Variants in CNTN5 observed in about 807,000 individuals in gnomAD.
CNTN5 encodes the protein contactin-5.
CNTN5 carries 77 observed loss-of-function variants against 129.1 expected under a neutral mutation model. The ratio of observed to expected loss-of-function variants is 0.60; its 90% CI spans 0.50 to 0.72. The LOEUF is 0.72. CNTN5 is among the 30% of genes least tolerant of loss of function. The pLI is 0.00. For synonymous variants in CNTN5, 509 were observed against 465.6 expected (o/e 1.09, Z -1.20); for missense variants, 1,478 against 1,328.8 (o/e 1.11, Z -1.75).
At chr11:99,266,824 A>G (rs1862923333) in intron 1 of CNTN5, among the ~76,000 whole-genome samples, 1 of 152,044 alleles carries the variant, frequency 6.6e-6, no homozygotes, top group Admixed American at 6.6e-5. Flanking sequence ...GCCAGAAAGG[A>G]TGATGGGAGA....
intron 3 of CNTN5, among the ~76,000 whole-genome samples, chr11:99,658,751 G>A (rs561664200): frequency 4.1e-5 from 6 of 145,602 alleles, no homozygotes; most frequent in Admixed American, 6.8e-5. Flanking sequence ...AGCCAGGCGC[G>A]GTGGCACATG....
intron 2 of CNTN5, among the ~76,000 whole-genome samples, chr11:99,380,315 T>A (rs1381772580): frequency 6.6e-6 from 1 of 152,162 alleles, no homozygotes; most frequent in East Asian, 1.9e-4. Context: ...TATTTACAGT[T>A]TTATTTAACT....
At chr11:99,788,222 CT>C (rs2135421740) in intron 3 of CNTN5, among the ~76,000 whole-genome samples, 1 of 152,070 alleles carries the variant, frequency 6.6e-6, no homozygotes, top group East Asian at 1.9e-4. Flanking sequence ...ACATCTTCCT[CT>C]CTGAATTCCT....
At chr11:99,275,719 T>C (rs2511803) in intron 1 of CNTN5, among the ~76,000 whole-genome samples, 2,133 of 151,722 alleles carry the variant, frequency 0.014, 54 homozygotes, top group African/African-American at 0.048. Context: ...ATATAGTCTG[T>C]CATCACTCAG....
chr11:99,744,644 C>G lies in CNTN5; in HGVS notation c.56-74900C>G, dbSNP rs183123464. 6.5e-3 allele frequency among the ~76,000 whole-genome samples: 924 copies of G among 141,488 alleles called. 14 individuals carry two copies. Among genetic ancestry groups the G allele is most frequent in the African/African-American group, 0.023 (898 of 38,304 alleles). 92.8% of individuals were successfully genotyped at this position (141,488 alleles called of 152,430 possible). ...CTGTGATGGGAGGATTGGTTGAGCC[C>G]AGGAGGTCTAGACTGCAGTGAGCAG... On this transcript the variant is annotated intron_variant, in intron 3 of 24. Transcript: ENST00000524871.
intron 2 of CNTN5, among the ~76,000 whole-genome samples, chr11:99,420,001 AAATT>A (rs1355220286): frequency 6.6e-6 from 1 of 152,140 alleles, no homozygotes; most frequent in Non-Finnish European, 1.5e-5. Flanking sequence ...AGGAGACAGA[AAATT>A]AAATAAAGTA....
intron 1 of CNTN5, among the ~76,000 whole-genome samples, chr11:99,193,377 T>G (rs1220115746): frequency 6.6e-6 from 1 of 152,194 alleles, no homozygotes; most frequent in East Asian, 1.9e-4. Context: ...AATTGTGCAC[T>G]GTGTGCTGTC....
Position 100,191,190 on chromosome 11 carries a change from T to C in CNTN5, c.1645T>C (p.Tyr549His), listed in dbSNP as rs757336720. The C allele has an allele frequency of 2.5e-6, 4 of 1,611,838 alleles. No homozygotes were observed. In the Admixed American group the frequency reaches 6.7e-5, roughly 27 times the overall value. Residue 549 changes from tyrosine to histidine, a missense_variant, in exon 14 of 25, where the codon TAC becomes CAC. By Grantham distance (83) the Tyr-to-His change is moderately conservative (BLOSUM62 2). Coordinates refer to ENST00000524871, the MANE Select transcript of CNTN5 (RefSeq NM_014361.4). The part of the protein sequence containing the change: ...LNASKSDEGK[Y>H]VCRGENVFGS... ...TGCTTCCAAATCAGACGAGGGAAAG[T>C]ACGTTTGCCGAGGGGAAAACGTCTT...
intron 6 of CNTN5, among the ~76,000 whole-genome samples, chr11:99,895,667 A>G (rs901941456): frequency 6.6e-6 from 1 of 152,036 alleles, no homozygotes; most frequent in African/African-American, 2.4e-5. Flanking sequence ...GTGAGTGAGT[A>G]AGAGTCTCCC....
chr11:99,143,343 G>C (rs1565352023), intron 1 of CNTN5, among the ~76,000 whole-genome samples: 1 of 147,310 alleles, frequency 6.8e-6, no homozygotes, highest in Non-Finnish European at 1.5e-5. Flanking sequence ...ATATGTATGT[G>C]TGTATATATG....
intron 6 of CNTN5, among the ~76,000 whole-genome samples, chr11:99,876,681 T>C (rs1231052907): frequency 2.6e-5 from 4 of 152,196 alleles, no homozygotes; most frequent in African/African-American, 9.6e-5. Flanking sequence ...TAGCATCATT[T>C]TAGAACTTAG....
chr11:99,993,830 T>A (rs1010117815), intron 8 of CNTN5, among the ~76,000 whole-genome samples: 1 of 152,176 alleles, frequency 6.6e-6, no homozygotes, highest in South Asian at 2.1e-4. Context: ...TATTATCATT[T>A]GTTAAATGGC....
At chr11:99,302,784 A>G (rs1035891132) in intron 1 of CNTN5, among the ~76,000 whole-genome samples, 2 of 151,834 alleles carry the variant, frequency 1.3e-5, no homozygotes, top group Admixed American at 1.3e-4. Flanking sequence ...TTAGAAAACA[A>G]CAACTATTAA....
chr11:99,504,300 T>C (rs938751277), intron 2 of CNTN5, among the ~76,000 whole-genome samples: 1 of 152,088 alleles, frequency 6.6e-6, no homozygotes, highest in Non-Finnish European at 1.5e-5. Flanking sequence ...CCCAGCACTT[T>C]GGGAGGCTGA....
chr11:100,110,936 G>T (rs754838713), intron 13 of CNTN5, among the ~76,000 whole-genome samples: 2 of 151,702 alleles, frequency 1.3e-5, no homozygotes, highest in African/African-American at 4.9e-5. Flanking sequence ...GCAGTCCATT[G>T]AGTATTGAAT....
chr11:99,561,554 G>A (rs1948843577), intron 3 of CNTN5, among the ~76,000 whole-genome samples: 1 of 152,048 alleles, frequency 6.6e-6, no homozygotes, highest in South Asian at 2.1e-4. Context: ...TGGGAAATGG[G>A]GGCCAAAAGA....
chr11:100,113,615 C>T (rs1320310071), intron 13 of CNTN5, among the ~76,000 whole-genome samples: 1 of 151,804 alleles, frequency 6.6e-6, no homozygotes, highest in Non-Finnish European at 1.5e-5. Context: ...GGTTTTGCCA[C>T]CAGAGAATTA....
At chr11:99,175,401 G>A (rs1015105778) in intron 1 of CNTN5, among the ~76,000 whole-genome samples, 6 of 152,130 alleles carry the variant, frequency 3.9e-5, no homozygotes. Flanking sequence ...CACAATTGAA[G>A]GCACAGTGGG....
At chr11:100,247,597 C>A in intron 16 of CNTN5, among the ~76,000 whole-genome samples, 1 of 151,876 alleles carries the variant, frequency 6.6e-6, no homozygotes. Flanking sequence ...TCTGCCAGCC[C>A]GGGATGTCAA....
Sources: gnomAD v4.1 joint callset for allele counts (sites outside exome capture counted in the v4.1 genomes callset) on GRCh38, gnomAD v4.1.1 for gene constraint, MANE v1.5 for transcripts, NCBI Gene and HGNC (gene_info 2026-07-23, HGNC 2026-07-21) for gene names.